Variants in RIMKLB observed in about 807,000 individuals in gnomAD.
RIMKLB encodes the protein beta-citrylglutamate synthase B.
In RIMKLB, 7 loss-of-function variants were observed where a neutral mutation model predicts 32.0. The observed-to-expected ratio is 0.22, with a 90% CI of 0.12 to 0.41. The LOEUF (loss-of-function observed/expected upper bound fraction) is 0.41. Ranked by LOEUF, RIMKLB falls within the 10% of genes least tolerant of loss-of-function variation. The pLI is 1.00. For missense variants in RIMKLB, 289 were observed against 498.7 expected (o/e 0.58, Z 4.00); for synonymous variants, 172 against 185.1 (o/e 0.93, Z 0.57).
At chr12:8,736,842 G>A (rs182350679) in intron 2 of RIMKLB, among the ~76,000 whole-genome samples, 2 of 151,118 alleles carry the variant, frequency 1.3e-5, no homozygotes, top group East Asian at 2.0e-4. Flanking sequence ...ACGGAGTTTC[G>A]CTCTTCTTGC....
intron 1 of RIMKLB, among the ~76,000 whole-genome samples, chr12:8,710,279 T>G (rs1290751823): frequency 1.3e-5 from 2 of 149,810 alleles, no homozygotes; most frequent in Non-Finnish European, 3.0e-5. Flanking sequence ...TCCCCGCCAG[T>G]TTTGTTTGTT....
At chr12:8,722,021 G>A (rs1945492373) in intron 2 of RIMKLB, among the ~76,000 whole-genome samples, 1 of 152,138 alleles carries the variant, frequency 6.6e-6, no homozygotes, top group Admixed American at 6.5e-5. Context: ...TGGGATTACA[G>A]GTGTGAGCCA....
At chr12:8,677,784 A>C (rs1942352265), upstream of RIMKLB, among the ~76,000 whole-genome samples, 3 of 147,476 alleles carry the variant, frequency 2.0e-5, no homozygotes, top group African/African-American at 5.0e-5. Context: ...ACAGGGTCTC[A>C]CTCTGTTACC....
At chr12:8,777,694 C>CT, downstream of RIMKLB, 2 of 1,287,562 alleles carry the variant, frequency 1.6e-6, no homozygotes, top group South Asian at 2.5e-5. Flanking sequence ...GTATTGAGAA[C>CT]TTTCGGGGTC....
chr12:8,733,911 G>A (rs1052684694), intron 2 of RIMKLB, among the ~76,000 whole-genome samples: 5 of 152,028 alleles, frequency 3.3e-5, no homozygotes, highest in African/African-American at 1.2e-4. Flanking sequence ...TAGATTGATC[G>A]ATTGATTTAG....
At chr12:8,681,431 A>G (rs1387713337), upstream of RIMKLB, among the ~76,000 whole-genome samples, 3 of 152,300 alleles carry the variant, frequency 2.0e-5, no homozygotes, top group South Asian at 2.1e-4. Context: ...TTCCTGAGTG[A>G]TAAGAGTGTC....
intron 5 of RIMKLB, 106 bp downstream of exon 5, chr12:8,754,199 C>T (rs1006293502): frequency 3.5e-5 from 28 of 789,798 alleles, no homozygotes; most frequent in South Asian, 2.3e-4. Flanking sequence ...AGTTGAAAAA[C>T]GTATTTCCTT....
chr12:8,680,760 G>A (rs1336716431), upstream of RIMKLB, among the ~76,000 whole-genome samples: 4 of 152,090 alleles, frequency 2.6e-5, no homozygotes, highest in Admixed American at 6.6e-5. Context: ...GAAAAGCGTC[G>A]CTAGAGATCT....
intron 1 of RIMKLB, among the ~76,000 whole-genome samples, chr12:8,699,068 G>A (rs1021938251): frequency 6.6e-6 from 1 of 151,608 alleles, no homozygotes; most frequent in African/African-American, 2.4e-5. Flanking sequence ...CATTTGTATT[G>A]GCGAATAGCG....
intron 3 of RIMKLB, among the ~76,000 whole-genome samples, chr12:8,750,462 A>C (rs532534285): frequency 7.3e-4 from 111 of 152,194 alleles, no homozygotes; most frequent in Non-Finnish European, 1.3e-3. Flanking sequence ...TTTGACCCAC[A>C]GGCCTTAGTT....
chr12:8,707,634 G>C (rs1944014562), intron 1 of RIMKLB, among the ~76,000 whole-genome samples: 1 of 152,150 alleles, frequency 6.6e-6, no homozygotes, highest in South Asian at 2.1e-4. Context: ...TGAGACGGAA[G>C]GTTCCAACCC....
chr12:8,704,999 C>A (rs1205734468), intron 1 of RIMKLB, among the ~76,000 whole-genome samples: 4 of 151,540 alleles, frequency 2.6e-5, no homozygotes, highest in Non-Finnish European at 4.4e-5. Flanking sequence ...CACACACACA[C>A]AAAACCCCAA....
intron 1 of RIMKLB, among the ~76,000 whole-genome samples, chr12:8,690,605 T>A (rs2136570105): frequency 6.6e-6 from 1 of 152,352 alleles, no homozygotes; most frequent in East Asian, 1.9e-4. Flanking sequence ...AACCTCACTG[T>A]GTCTCCGTTT....
At chr12:8,746,022 C>T (rs920319618) in intron 2 of RIMKLB, among the ~76,000 whole-genome samples, 1 of 151,820 alleles carries the variant, frequency 6.6e-6, no homozygotes, top group Non-Finnish European at 1.5e-5. Flanking sequence ...AACATAAATA[C>T]ACAGTTTTCA....
chr12:8,763,858 G>T (rs182071429), intron 5 of RIMKLB, among the ~76,000 whole-genome samples: 1 of 152,172 alleles, frequency 6.6e-6, no homozygotes, highest in South Asian at 2.1e-4. Context: ...AACAGTCCAG[G>T]TGAGTTGAGA....
intron 5 of RIMKLB, among the ~76,000 whole-genome samples, chr12:8,755,343 C>T (rs1431215714): frequency 6.6e-6 from 1 of 151,698 alleles, no homozygotes; most frequent in Non-Finnish European, 1.5e-5. Flanking sequence ...TCAAGTAATC[C>T]TCCTTCATTG....
At chr12:8,704,322 G>T (rs1362646004) in intron 1 of RIMKLB, among the ~76,000 whole-genome samples, 1 of 151,842 alleles carries the variant, frequency 6.6e-6, no homozygotes, top group Admixed American at 6.6e-5. Context: ...GGCGGAGGTT[G>T]CAGTGAGCCA....
intron 2 of RIMKLB, among the ~76,000 whole-genome samples, chr12:8,748,359 T>G (rs997995768): frequency 6.6e-6 from 1 of 152,064 alleles, no homozygotes; most frequent in Non-Finnish European, 1.5e-5. Context: ...TTACTAGTTA[T>G]TATTTCTTAC....
intron 5 of RIMKLB, among the ~76,000 whole-genome samples, chr12:8,768,110 T>G (rs1195231742): frequency 6.6e-6 from 1 of 152,146 alleles, no homozygotes; most frequent in Non-Finnish European, 1.5e-5. Context: ...GTGAGTGTTA[T>G]AGCTCTATTA....
Sources: gnomAD v4.1 joint callset for allele counts (sites outside exome capture counted in the v4.1 genomes callset) on GRCh38, gnomAD v4.1.1 for gene constraint, MANE v1.5 for transcripts, NCBI Gene and HGNC (gene_info 2026-07-23, HGNC 2026-07-21) for gene names.